The following NXPE2 variants were observed in gnomAD, a reference collection of about 807,000 sequenced individuals.
The protein encoded by NXPE2 is neurexophilin and PC-esterase domain family member 2, also known as NXPE family member 2.
Under a neutral mutation model 34.4 loss-of-function variants are expected in NXPE2, and 34 were observed. The ratio of observed to expected loss-of-function variants is 0.99; its 90% confidence interval spans 0.75 to 1.31. The LOEUF is 1.31. NXPE2 is among the 40% of genes most tolerant of loss of function. NXPE2 has a pLI of 0.00. For missense variants in NXPE2, 649 were observed against 672.5 expected (o/e 0.97, Z 0.39); for synonymous variants, 235 against 231.3 (o/e 1.02, Z -0.15).
At chr11:114,619,541 G>A in the NXPE2 span, among the ~76,000 whole-genome samples, 2 of 151,336 alleles carry the variant, frequency 1.3e-5, no homozygotes, top group Non-Finnish European at 2.9e-5. Flanking sequence ...GATAAGTGTT[G>A]CCTTGTGGGT....
the NXPE2 span, among the ~76,000 whole-genome samples, chr11:114,750,535 A>T: frequency 3.9e-4 from 60 of 152,312 alleles, 1 homozygote. Context: ...TCTAATTCTT[A>T]AATTTCCCCA....
the NXPE2 span, chr11:114,581,668 A>G: frequency 1.5e-6 from 2 of 1,355,952 alleles, no homozygotes; most frequent in Non-Finnish European, 2.1e-6. Flanking sequence ...TAGAAAGAAG[A>G]AACCCTTTAA....
chr11:114,810,222 T>C, the NXPE2 span, among the ~76,000 whole-genome samples: 1 of 149,934 alleles, frequency 6.7e-6, no homozygotes, highest in Non-Finnish European at 1.5e-5. Context: ...ATGTTAGACC[T>C]AAAACCATAA....
At chr11:114,578,963 A>G in the NXPE2 span, among the ~76,000 whole-genome samples, 3 of 152,182 alleles carry the variant, frequency 2.0e-5, no homozygotes, top group East Asian at 1.9e-4. Flanking sequence ...ACTTCATTTA[A>G]TCTTCTATAC....
At chr11:114,582,613 G>T in the NXPE2 span, 8 of 1,614,026 alleles carry the variant, frequency 5.0e-6, no homozygotes, top group African/African-American at 9.3e-5. Flanking sequence ...TCCCAGAACA[G>T]AGTGAAGCTG....
the NXPE2 span, among the ~76,000 whole-genome samples, chr11:114,638,342 G>C: frequency 4.0e-4 from 60 of 151,676 alleles, no homozygotes; most frequent in African/African-American, 1.4e-3. Flanking sequence ...TCTCTGTATT[G>C]GTTATTCTAG....
the NXPE2 span, among the ~76,000 whole-genome samples, chr11:114,768,863 A>C: frequency 1.3e-5 from 2 of 152,280 alleles, no homozygotes; most frequent in African/African-American, 4.8e-5. Flanking sequence ...ACCCTAGAAA[A>C]AAATCTAGGC....
chr11:114,571,626 T>C, the NXPE2 span, among the ~76,000 whole-genome samples: 5 of 152,212 alleles, frequency 3.3e-5, no homozygotes, highest in African/African-American at 1.2e-4. Context: ...TTTTGAAAAT[T>C]ATTTGAACAG....
chr11:114,631,237 G>A, the NXPE2 span, among the ~76,000 whole-genome samples: 29,366 of 151,446 alleles, frequency 0.19, 3,468 homozygotes, highest in African/African-American at 0.33. Context: ...TGTTTATTGC[G>A]GCATTATTCA....
the NXPE2 span, among the ~76,000 whole-genome samples, chr11:114,799,689 T>C: frequency 2.6e-5 from 4 of 152,194 alleles, no homozygotes; most frequent in African/African-American, 9.7e-5. Flanking sequence ...CTGCACCCGT[T>C]TAAACAGCAA....
At chr11:114,750,962 TTA>T in the NXPE2 span, among the ~76,000 whole-genome samples, 1 of 152,172 alleles carries the variant, frequency 6.6e-6, no homozygotes, top group Non-Finnish European at 1.5e-5. Context: ...TGATGGCATT[TTA>T]TGTCCTACTC....
the NXPE2 span, among the ~76,000 whole-genome samples, chr11:114,739,314 TCCTTCCTTCCTTCCTTCCTTCCTTC>T: frequency 4.9e-4 from 25 of 51,452 alleles, no homozygotes; most frequent in Non-Finnish European, 8.3e-4. Flanking sequence ...CTTCCTTCCT[TCCTTCCTTCCTTCCTTCCTTCCTTC>T]CCCCCTTCCT....
At chr11:114,603,995 C>T in the NXPE2 span, among the ~76,000 whole-genome samples, 4 of 151,420 alleles carry the variant, frequency 2.6e-5, no homozygotes, top group Non-Finnish European at 2.9e-5. Context: ...AGTATTGCCT[C>T]GTCTCCTAGG....
chr11:114,632,124 A>G, the NXPE2 span, among the ~76,000 whole-genome samples: 1 of 144,376 alleles, frequency 6.9e-6, no homozygotes, highest in Non-Finnish European at 1.5e-5. Flanking sequence ...TATATATTAT[A>G]ATAAAATATA....
intron 2 of NXPE2, among the ~76,000 whole-genome samples, chr11:114,686,325 G>A (rs1712821): frequency 0.88 from 134,432 of 151,996 alleles, 59,820 homozygotes; most frequent in Non-Finnish European, 0.92. Flanking sequence ...GGGTCCATGT[G>A]TATCCAACGT....
chr11:114,741,297 G>A, the NXPE2 span, among the ~76,000 whole-genome samples: 1 of 152,160 alleles, frequency 6.6e-6, no homozygotes, highest in Admixed American at 6.5e-5. Flanking sequence ...GTGTCCTTGT[G>A]AAGTCTTCTT....
chr11:114,518,081 C>G, the NXPE2 span: 1 of 152,296 alleles, frequency 6.6e-6, no homozygotes, highest in Non-Finnish European at 1.5e-5. Flanking sequence ...TTCCCACCCT[C>G]TGGGTATAAA....
chr11:114,665,159 T>C, the NXPE2 span, among the ~76,000 whole-genome samples: 4 of 152,152 alleles, frequency 2.6e-5, no homozygotes, highest in Non-Finnish European at 4.4e-5. Context: ...CTTTCCCATG[T>C]TCTTTATGAT....
chr11:114,470,603 G>A, the NXPE2 span, among the ~76,000 whole-genome samples: 1 of 146,362 alleles, frequency 6.8e-6, no homozygotes, highest in African/African-American at 2.8e-5. Flanking sequence ...GTGTGTGTGT[G>A]TGTGTGTGTG....
Sources: allele counts gnomAD v4.1 joint callset (sites outside exome capture counted in the v4.1 genomes callset), GRCh38; gene constraint gnomAD v4.1.1; transcripts MANE v1.5; gene names NCBI Gene and HGNC (gene_info 2026-07-23, HGNC 2026-07-21).